PKNOX2: variants seen among roughly 807,000 people sequenced by gnomAD.
PKNOX2 encodes the protein homeobox protein PKNOX2.
Under a neutral mutation model 53.1 loss-of-function variants are expected in PKNOX2, and 14 were observed. The observed-to-expected ratio is 0.26, with a 90% CI of 0.17 to 0.41. The LOEUF (loss-of-function observed/expected upper bound fraction) is 0.41, where lower values mean the gene tolerates loss of function less well. Among genes scored for constraint, PKNOX2 ranks in the 10% least tolerant of loss-of-function variants. PKNOX2 has a pLI of 1.00. For missense variants in PKNOX2, 496 were observed against 602.8 expected, an observed-to-expected ratio of 0.82 and a Z score of 1.85; for synonymous variants, 257 against 242.8, an observed-to-expected ratio of 1.06 and a Z score of -0.54.
At chr11:125,301,970 C>T (rs1406495336) in intron 2 of PKNOX2, among the ~76,000 whole-genome samples, 1 of 152,170 alleles carries the variant, frequency 6.6e-6, no homozygotes, top group Non-Finnish European at 1.5e-5. Context: ...TCTGGAGATC[C>T]CAGTGTGTGT....
chr11:125,200,477 C>T (rs118079212), intron 1 of PKNOX2, among the ~76,000 whole-genome samples: 6 of 152,336 alleles, frequency 3.9e-5, no homozygotes, highest in Non-Finnish European at 7.3e-5. Context: ...GTGAATTCCA[C>T]CTGTCATGTA....
At chr11:125,237,973 T>C (rs1011379928) in intron 2 of PKNOX2, among the ~76,000 whole-genome samples, 1 of 152,140 alleles carries the variant, frequency 6.6e-6, no homozygotes, top group Non-Finnish European at 1.5e-5. Flanking sequence ...GCTGGGGAAT[T>C]CTGGGCAGCC....
chr11:125,417,430 G>A (rs903951548), intron 10 of PKNOX2, among the ~76,000 whole-genome samples: 3 of 152,036 alleles, frequency 2.0e-5, no homozygotes, highest in Non-Finnish European at 4.4e-5. Context: ...GCCGGGTTCT[G>A]CACTAAACAC....
At chr11:125,328,315 A>G (rs1949940882) in intron 2 of PKNOX2, among the ~76,000 whole-genome samples, 1 of 149,000 alleles carries the variant, frequency 6.7e-6, no homozygotes, top group African/African-American at 2.6e-5. Context: ...AAACACCTAG[A>G]AGACAGGGAG....
chr11:125,381,932 A>G (rs138944100), intron 5 of PKNOX2, among the ~76,000 whole-genome samples: 2 of 152,288 alleles, frequency 1.3e-5, no homozygotes, highest in Non-Finnish European at 2.9e-5. Flanking sequence ...TGACCACTCT[A>G]AGAAAAGCTG....
intron 2 of PKNOX2, among the ~76,000 whole-genome samples, chr11:125,275,569 G>T (rs1477940462): frequency 6.6e-6 from 1 of 152,132 alleles, no homozygotes; most frequent in Non-Finnish European, 1.5e-5. Context: ...GCTTAGTCTT[G>T]GCCATGGCAG....
chr11:125,274,663 C>A (rs1223137225), intron 2 of PKNOX2, among the ~76,000 whole-genome samples: 1 of 152,260 alleles, frequency 6.6e-6, no homozygotes, highest in Non-Finnish European at 1.5e-5. Flanking sequence ...GGGGCTGGAG[C>A]AGGCCCAGGC....
intron 1 of PKNOX2, among the ~76,000 whole-genome samples, chr11:125,214,349 C>T (rs1940229759): frequency 6.6e-6 from 1 of 151,214 alleles, no homozygotes; most frequent in Admixed American, 6.6e-5. Flanking sequence ...TGCTCTCCCT[C>T]TTACTCCCTT....
At chr11:125,197,655 A>C (rs796572383) in intron 1 of PKNOX2, among the ~76,000 whole-genome samples, 1 of 151,794 alleles carries the variant, frequency 6.6e-6, no homozygotes, top group Admixed American at 6.6e-5. Context: ...AGCAGAGGAA[A>C]AACAACAACA....
intron 2 of PKNOX2, among the ~76,000 whole-genome samples, chr11:125,324,547 AC>A (rs1159469422): frequency 2.6e-5 from 4 of 152,310 alleles, no homozygotes; most frequent in Admixed American, 2.6e-4. Context: ...GCAGAGTAGT[AC>A]CCAGACGATC....
In PKNOX2 at chr11:125,165,073, G is replaced by A. The variant is rs1325698949; in HGVS notation, c.-201+297G>A. ...GAGCGCGGAGCGGAGCAGCGCGAGGGGCGGCGAGGCCGGGCACGGAGGCTG... is the reference window on the plus strand; with the variant it reads ...GAGCGCGGAGCGGAGCAGCGCGAGGAGCGGCGAGGCCGGGCACGGAGGCTG... On this transcript the variant is annotated intron_variant, in intron 1 of 12. Coordinates refer to ENST00000298282, the MANE Select transcript of PKNOX2 (RefSeq NM_001382323.2). The surrounding 1 kb of genome is among the most constrained non-coding windows in gnomAD (Gnocchi z 4.5). Among the ~76,000 whole-genome samples the A allele has an allele frequency of 2.7e-5, 4 of 150,404 alleles. No homozygotes were observed. The highest frequency in any genetic ancestry group is 4.4e-5 in the Non-Finnish European group (3 of 67,466).
intron 7 of PKNOX2, 152 bp from the exon 8 acceptor site, chr11:125,410,044 C>T: frequency 9.7e-7 from 1 of 1,031,854 alleles, no homozygotes; most frequent in Admixed American, 2.5e-5. Flanking sequence ...TCTAGGAAAC[C>T]AAGAGAGTTG....
At chr11:125,372,447 C>T (rs1417921236) in intron 5 of PKNOX2, among the ~76,000 whole-genome samples, 1 of 152,238 alleles carries the variant, frequency 6.6e-6, no homozygotes, top group Non-Finnish European at 1.5e-5. Flanking sequence ...TGCAATCCTA[C>T]ATTCTTGGTC....
chr11:125,258,897 G>A, intron 2 of PKNOX2: 1 of 387,718 alleles, frequency 2.6e-6, no homozygotes, highest in Non-Finnish European at 5.2e-6. Flanking sequence ...AGCTCCTGCT[G>A]CAGCCTCAGC....
chr11:125,285,886 A>G (rs943952025), intron 2 of PKNOX2, among the ~76,000 whole-genome samples: 14 of 152,220 alleles, frequency 9.2e-5, no homozygotes, highest in Non-Finnish European at 1.3e-4. Context: ...TCACCTCTGT[A>G]GGGTGGAAAT....
Position 125,286,198 on chromosome 11 carries a change from G to A in PKNOX2, c.-129-45621G>A, listed in dbSNP as rs189123471. 1.7e-3 allele frequency among the ~76,000 whole-genome samples: 254 copies of A among 152,312 alleles called. 1 individual carries two copies. Among genetic ancestry groups the A allele is most frequent in the African/African-American group, 5.0e-3 (207 of 41,564 alleles). On this transcript the variant is annotated intron_variant, in intron 2 of 12. Transcript: ENST00000298282. ...GGAATGGGAAAAAAACAGATGTGGG[G>A]CCAGGGCATGGAGGCTCACAGGTAG... is the stretch of plus-strand genomic sequence containing the variant.
intron 3 of PKNOX2, among the ~76,000 whole-genome samples, chr11:125,332,209 C>G (rs571120272): frequency 7.3e-5 from 11 of 151,416 alleles, no homozygotes; most frequent in African/African-American, 2.4e-4. Flanking sequence ...TGGGGCCTTG[C>G]TTAGTATCAA....
chr11:125,390,978 G>A (rs958344787), intron 6 of PKNOX2, among the ~76,000 whole-genome samples: 1 of 152,144 alleles, frequency 6.6e-6, no homozygotes, highest in South Asian at 2.1e-4. Context: ...AAGCTGGCCT[G>A]GTCTGGAAAA....
rs79697153 is a variant in PKNOX2, at chr11:125,396,870, A to C, written c.400-1004A>C. 6.0e-3 allele frequency among the ~76,000 whole-genome samples: 914 copies of C among 152,352 alleles called. 6 individuals are homozygous for C. Among genetic ancestry groups the C allele is most frequent in the African/African-American group, 0.021 (867 of 41,586 alleles). On this transcript the variant is annotated intron_variant, in intron 6 of 12. Transcript: ENST00000298282. ...CATAGTCTAGAAGAGAGGATAGAGA[A>C]AACAATTCTGGCACTTAGAAAAATA...
Sources: allele counts gnomAD v4.1 joint callset (sites outside exome capture counted in the v4.1 genomes callset), GRCh38; gene constraint gnomAD v4.1.1; non-coding constraint Gnocchi (gnomAD v3.1); transcripts MANE v1.5; gene names NCBI Gene and HGNC (gene_info 2026-07-23, HGNC 2026-07-21).